The following VPS13C variants were observed in gnomAD, a reference collection of about 807,000 sequenced individuals.
VPS13C encodes intermembrane lipid transfer protein VPS13C.
VPS13C carries 358 observed loss-of-function variants against 456.8 expected under a neutral mutation model. The observed-to-expected ratio is 0.78, with a 90% CI of 0.72 to 0.86. The LOEUF is 0.86. VPS13C is among the 40% of genes least tolerant of loss of function. The pLI is 0.00. For missense variants in VPS13C, 4,818 were observed against 4,385.4 expected, an observed-to-expected ratio of 1.10 and a Z score of -2.79; for synonymous variants, 1,578 against 1,486.7, an observed-to-expected ratio of 1.06 and a Z score of -1.41.
At chr15:61,905,495 G>A (rs1314882548) in intron 66 of VPS13C, among the ~76,000 whole-genome samples, 1 of 152,062 alleles carries the variant, frequency 6.6e-6, no homozygotes, top group East Asian at 1.9e-4. Flanking sequence ...TGGGAAGCAT[G>A]GTCTAGCAGA....
In VPS13C at chr15:62,033,425, CA is replaced by C; in HGVS notation, c.385+15del. ...AATATAGGTATGTCTAAGTTTATCT[CA>C]AAAAAACTTTTTACCTTTTTCTGCT... On this transcript the variant is annotated intron_variant, in intron 5 of 84. Transcript: ENST00000644861. 3 of 1,568,282 alleles carry C rather than the reference CA, an allele frequency of 1.9e-6. No homozygotes were observed. Among genetic ancestry groups the C allele is most frequent in the Admixed American group, 1.8e-5 (1 of 56,054 alleles).
intron 24 of VPS13C, among the ~76,000 whole-genome samples, chr15:61,975,315 G>A (rs913039938): frequency 2.0e-5 from 3 of 152,110 alleles, no homozygotes; most frequent in East Asian, 3.9e-4. Flanking sequence ...TCAAAAGAGA[G>A]AAGATAATGG....
chr15:61,963,483 A>G lies in VPS13C; in HGVS notation c.3331+352T>C, dbSNP rs554720228. On this transcript the variant is annotated intron_variant, in intron 32 of 84. Transcript: ENST00000644861. ...AAAAATCATATGAAGGTAAAAAAAA[A>G]AGATTAAAAAGTTACTAGAAAGCAC... Among the ~76,000 whole-genome samples the G allele has an allele frequency of 7.2e-5, 11 of 152,230 alleles. No homozygotes were observed. The South Asian group carries it at 2.3e-3, about 32-fold the overall frequency.
chr15:61,979,106 T>C (rs1384647860), intron 22 of VPS13C, among the ~76,000 whole-genome samples: 2 of 152,126 alleles, frequency 1.3e-5, no homozygotes, highest in African/African-American at 2.4e-5. Flanking sequence ...CACCATTAGA[T>C]AGCAGCGTTT....
chr15:61,854,690 G>A, intron 84 of VPS13C, 132 bp from the exon 85 acceptor site: 2 of 1,053,666 alleles, frequency 1.9e-6, no homozygotes, highest in East Asian at 4.9e-5. Context: ...ATACAGTCCA[G>A]ATGTGTCATA....
At chr15:61,919,802 C>T (rs901851297) in intron 57 of VPS13C, among the ~76,000 whole-genome samples, 5 of 147,788 alleles carry the variant, frequency 3.4e-5, no homozygotes, top group Non-Finnish European at 6.0e-5. Context: ...TTTAAAAACA[C>T]ATTATATATA....
intron 2 of VPS13C, 75 bp downstream of exon 2, chr15:62,044,137 G>C (rs1048968878): frequency 2.0e-6 from 2 of 990,646 alleles, no homozygotes; most frequent in Non-Finnish European, 1.5e-6. Context: ...CATGGTATCA[G>C]ATGCCTAGTA....
In VPS13C at chr15:62,008,730, A is replaced by G. The variant is rs138433394; in HGVS notation, c.1043T>C (p.Val348Ala). 521 of 1,605,480 alleles carry G rather than the reference A, an allele frequency of 3.2e-4. No homozygotes were observed. Among genetic ancestry groups the G allele is most frequent in the Non-Finnish European group, 4.3e-4 (510 of 1,175,536 alleles). ...YLSMIDLLESVDYMVRNAPYR... is the reference protein window; with the variant it reads ...YLSMIDLLESADYMVRNAPYR... Reference sequence around the variant, plus strand: ...AGGCGCATTCCTAACCATATAATCCACTGACTCCAAAAGGTCAATCATACT... The same window carrying G: ...AGGCGCATTCCTAACCATATAATCCGCTGACTCCAAAAGGTCAATCATACT... Residue 348 changes from valine (V) to alanine (A), a missense_variant, in exon 14 of 85, where the codon GTG becomes GCG. Physicochemically the swap from Val to Ala is moderately conservative, Grantham distance 64. Coordinates refer to ENST00000644861, the MANE Select transcript of VPS13C (RefSeq NM_020821.3).
chr15:62,002,302 C>A (rs1242163198), intron 15 of VPS13C, among the ~76,000 whole-genome samples: 1 of 152,168 alleles, frequency 6.6e-6, no homozygotes, highest in Non-Finnish European at 1.5e-5. Flanking sequence ...TGTTTTTTGG[C>A]AGCATAAATG....
chr15:62,027,558 T>C (rs544042456), intron 6 of VPS13C, among the ~76,000 whole-genome samples: 2 of 152,226 alleles, frequency 1.3e-5, no homozygotes, highest in African/African-American at 2.4e-5. Flanking sequence ...TTAAAGTTCC[T>C]AGCTACAGAA....
chr15:61,950,710 C>A (rs1015161687), intron 40 of VPS13C, among the ~76,000 whole-genome samples: 1 of 151,904 alleles, frequency 6.6e-6, no homozygotes, highest in African/African-American at 2.4e-5. Context: ...TAGATTATAA[C>A]ACACTTTGCT....
rs572380101 is a variant in VPS13C, at chr15:62,021,635, C to A, written c.625-1097G>T. Among the ~76,000 whole-genome samples the A allele has an allele frequency of 4.0e-5, 6 of 151,884 alleles. No individual in the cohort carries two copies. The East Asian group carries it at 9.7e-4, about 25-fold the overall frequency. On this transcript the variant is annotated intron_variant, in intron 8 of 84. Coordinates refer to ENST00000644861, the MANE Select transcript of VPS13C (RefSeq NM_020821.3). The stretch of plus-strand genomic sequence containing the variant: ...TGTTCTAAATCATCCAACTGGGACT[C>A]CAGAGTTTAGTCACATACAATTTTC...
At chr15:61,971,776 A>G (rs1186661975) in intron 27 of VPS13C, among the ~76,000 whole-genome samples, 1 of 152,248 alleles carries the variant, frequency 6.6e-6, no homozygotes, top group Admixed American at 6.5e-5. Context: ...GTATGGAGAA[A>G]GAGAGAAGTT....
intron 9 of VPS13C, among the ~76,000 whole-genome samples, chr15:62,020,093 T>TGC (rs2047404707): frequency 6.7e-6 from 1 of 149,104 alleles, no homozygotes; most frequent in East Asian, 2.0e-4. Flanking sequence ...GAGATGAGTG[T>TGC]GCGCACACAC....
chr15:62,044,411 CT>C (rs1298371314), intron 1 of VPS13C, among the ~76,000 whole-genome samples, 156 bp from the exon 2 acceptor site: 2 of 152,096 alleles, frequency 1.3e-5, no homozygotes, highest in Non-Finnish European at 2.9e-5. Context: ...AAAATAGTTG[CT>C]ACATATGCTC....
rs1596543012 is a variant in VPS13C at position 62,054,390 on chromosome 15, T to C, written c.100+5885A>G. ...AAATAGAGGTTTTTTTTAAAAGAAA[T>C]TTGTTTGGAAAATAAGAAATGTTTA... is the stretch of plus-strand genomic sequence containing the variant. On this transcript the variant is annotated intron_variant, in intron 1 of 84. Transcript: ENST00000644861. Among the ~76,000 whole-genome samples, 3 of 152,160 alleles carry C rather than the reference T, an allele frequency of 2.0e-5. No individual in the cohort carries two copies. In the South Asian group the frequency reaches 6.2e-4, roughly 32 times the overall value.
At chr15:61,855,250 G>A (rs1711793519) in intron 83 of VPS13C, among the ~76,000 whole-genome samples, 1 of 152,062 alleles carries the variant, frequency 6.6e-6, no homozygotes, top group South Asian at 2.1e-4. Flanking sequence ...CATCACATCT[G>A]ACAAATCAAA....
In VPS13C at chr15:61,922,462, T is replaced by TA. The variant is rs2043690578; in HGVS notation, c.6909dup (p.Lys2304Ter). On this transcript the variant is annotated frameshift_variant, in exon 54 of 85. Transcript: ENST00000644861. LOFTEE classifies it high-confidence loss of function. ...CAATTTTTAATATTTCCTGAAAACT[T>TA]AGACTCTGCCAATAATAAAGGTACA... is the stretch of plus-strand genomic sequence containing the variant. The TA allele has an allele frequency of 6.2e-7, 1 of 1,614,020 alleles. No homozygotes were observed. Among genetic ancestry groups the TA allele is most frequent in the Non-Finnish European group, 8.5e-7 (1 of 1,179,928 alleles).
intron 66 of VPS13C, among the ~76,000 whole-genome samples, chr15:61,892,084 G>A (rs2042669185): frequency 6.6e-6 from 1 of 152,122 alleles, no homozygotes; most frequent in Non-Finnish European, 1.5e-5. Flanking sequence ...CACCATCTTG[G>A]GCTCCCTTGC....
Sources: allele counts gnomAD v4.1 joint callset (sites outside exome capture counted in the v4.1 genomes callset), GRCh38; gene constraint gnomAD v4.1.1; transcripts MANE v1.5; gene names NCBI Gene and HGNC (gene_info 2026-07-23, HGNC 2026-07-21).